Variants in ERCC3 observed in about 807,000 individuals in gnomAD.
ERCC3 encodes ERCC excision repair 3, TFIIH core complex helicase subunit.
Under a neutral mutation model 94.2 loss-of-function variants are expected in ERCC3, and 66 were observed. The observed-to-expected ratio is 0.70, with a 90% CI of 0.57 to 0.86. ERCC3 has a LOEUF of 0.86. Among genes scored for constraint, ERCC3 ranks in the 40% least tolerant of loss-of-function variants. The pLI is 0.00. For synonymous variants in ERCC3, 349 were observed against 369.1 expected (o/e 0.95, Z 0.63); for missense variants, 829 against 987.1 (o/e 0.84, Z 2.15).
chr2:127,289,605 G>A (rs958631609), intron 5 of ERCC3, 84 bp downstream of exon 5: 7 of 1,603,290 alleles, frequency 4.4e-6, no homozygotes, highest in Non-Finnish European at 6.0e-6. Context: ...CTGCTAGGTT[G>A]TAAGTGCTGG....
rs765968359 is a variant in ERCC3, at chr2:127,280,499, T to C, written c.1475A>G (p.Asn492Ser). 5.6e-6 allele frequency: 9 copies of C among 1,613,882 alleles called. No homozygotes were observed. The Admixed American group carries it at 1.3e-4, about 24-fold the overall frequency. ...FLIGPKLYEANWMELQNNGYI... is the reference protein window; with the variant it reads ...FLIGPKLYEASWMELQNNGYI... ...GCCATTATTCTGCAGCTCCATCCAGTTGGCTTCGTAGAGCTTAGGCCCAAT... is the reference window on the plus strand; with the variant it reads ...GCCATTATTCTGCAGCTCCATCCAGCTGGCTTCGTAGAGCTTAGGCCCAAT... Residue 492 changes from asparagine (N) to serine (S), a missense_variant, in exon 9 of 15, where the codon AAC (asparagine) becomes AGC (serine). Physicochemically the swap from Asn to Ser is conservative, Grantham distance 46. Transcript: ENST00000285398. The surrounding 1 kb of genome is among the most constrained non-coding windows in gnomAD (Gnocchi z 6.3).
intron 8 of ERCC3, among the ~76,000 whole-genome samples, chr2:127,285,763 A>G (rs1369949111): frequency 6.6e-6 from 1 of 152,030 alleles, no homozygotes; most frequent in Middle Eastern, 3.2e-3. Flanking sequence ...AGGCAGGGGA[A>G]TCAGTTGAAC....
At chr2:127,265,807 T>C (rs181780593) in intron 12 of ERCC3, among the ~76,000 whole-genome samples, 288 of 152,374 alleles carry the variant, frequency 1.9e-3, no homozygotes, top group Non-Finnish European at 3.7e-3. Context: ...GCTCTGATTT[T>C]AGTTATTTCT....
Position 127,259,895 on chromosome 2 carries a change from G to A in ERCC3, c.2065-447C>T, listed in dbSNP as rs985702918. On this transcript the variant is annotated intron_variant, in intron 13 of 14. Transcript: ENST00000285398. This position sits in a 1 kb window ranked among gnomAD's most constrained non-coding sequence, Gnocchi z 4.9. ...TGGGGCTTCCAGCAGGAATGAGCAC[G>A]TGAAAATGAAAATGATAGGATATCA... The A allele has an allele frequency of 4.0e-6, 1 of 252,802 alleles. No individual in the cohort carries two copies. The highest frequency in any genetic ancestry group is 7.8e-6 in the Non-Finnish European group (1 of 128,362). 15.7% of individuals were successfully genotyped at this position (252,802 alleles called of 1,614,324 possible).
chr2:127,282,465 A>T (rs915053191), intron 8 of ERCC3, among the ~76,000 whole-genome samples: 1 of 152,248 alleles, frequency 6.6e-6, no homozygotes, highest in African/African-American at 2.4e-5. Flanking sequence ...CACAGGAAGC[A>T]CTTAATATAC....
chr2:127,292,226 C>A, intron 3 of ERCC3: 1 of 351,106 alleles, frequency 2.8e-6, no homozygotes, highest in South Asian at 2.5e-5. Context: ...GTTTTGAAGA[C>A]AAAATTTGAG....
chr2:127,291,250 C>T lies in ERCC3; in HGVS notation c.472-977G>A, dbSNP rs959881886. ...TGGTACAAGGTCCTCTCCTTGGGCACGCTTTCTTTTTTGTTGTTGTTCTGA... is the reference window on the plus strand; with the variant it reads ...TGGTACAAGGTCCTCTCCTTGGGCATGCTTTCTTTTTTGTTGTTGTTCTGA... On this transcript the variant is annotated intron_variant, in intron 3 of 14. Coordinates refer to ENST00000285398, the MANE Select transcript of ERCC3 (RefSeq NM_000122.2). The surrounding 1 kb of genome is among the most constrained non-coding windows in gnomAD (Gnocchi z 4.9). Among the ~76,000 whole-genome samples, 7 of 152,018 alleles carry T rather than the reference C, an allele frequency of 4.6e-5. No individual in the cohort carries two copies. Among genetic ancestry groups the T allele is most frequent in the Non-Finnish European group, 8.8e-5 (6 of 68,000 alleles).
rs1272649511 is a variant in ERCC3 at position 127,272,912 on chromosome 2, G to A, written c.1780C>T (p.Gln594Ter). ...TSQGERMQIL[Q>*]NFKHNPKINT... The stretch of plus-strand genomic sequence containing the variant: ...ATTTTGGGGTTGTGCTTGAAATTCT[G>A]GAGAATTTGCATCCTTTCCCCCTGA... The change falls in exon 11 of 15, where the codon CAG (glutamine) becomes TAG (stop). Residue 594 changes from glutamine to a stop codon, truncating the protein, a stop_gained. Transcript: ENST00000285398. LOFTEE classifies it high-confidence loss of function. 1.2e-6 allele frequency: 2 copies of A among 1,613,634 alleles called. No homozygotes were observed. The highest frequency in any genetic ancestry group is 8.5e-7 in the Non-Finnish European group (1 of 1,179,674).
chr2:127,293,753 G>A (rs1011796089), intron 1 of ERCC3, 35 bp from the exon 2 acceptor site: 2 of 1,606,054 alleles, frequency 1.2e-6, no homozygotes, highest in Non-Finnish European at 1.7e-6. Context: ...AGCCCAGCAG[G>A]AGCCTTCAGG....
chr2:127,259,328 C>T lies in ERCC3; in HGVS notation c.2185G>A (p.Val729Met), dbSNP rs763891077. 1.2e-6 allele frequency: 2 copies of T among 1,614,216 alleles called. No individual in the cohort carries two copies. The highest frequency in any genetic ancestry group is 2.2e-5 in the South Asian group (2 of 91,084). The part of the protein sequence containing the change: ...ATDLDAEEEV[V>M]AGEFGSRSSQ... ...GATCTGGAGCCAAATTCCCCAGCCA[C>T]CACCTCCTCCTCGGCATCCAGGTCA... The change falls in exon 14 of 15, where the codon GTG (valine) becomes ATG (methionine). Residue 729 changes from valine to methionine, a missense_variant. By Grantham distance (21) the Val-to-Met change is conservative (BLOSUM62 1). Transcript: ENST00000285398. This position sits in a 1 kb window ranked among gnomAD's most constrained non-coding sequence, Gnocchi z 4.9.
intron 12 of ERCC3, among the ~76,000 whole-genome samples, chr2:127,268,392 G>A (rs999504365): frequency 1.3e-5 from 2 of 152,062 alleles, no homozygotes; most frequent in African/African-American, 4.8e-5. Flanking sequence ...CGGAGTGGCT[G>A]GGACTACAGG....
chr2:127,293,065 T>C (rs921385172), intron 2 of ERCC3, among the ~76,000 whole-genome samples: 1 of 152,242 alleles, frequency 6.6e-6, no homozygotes, highest in African/African-American at 2.4e-5. Context: ...AGCTGTTTCC[T>C]ACTATTCTGC....
intron 6 of ERCC3, 34 bp downstream of exon 6, chr2:127,289,303 G>A (rs1310589777): frequency 6.2e-7 from 1 of 1,604,128 alleles, no homozygotes; most frequent in African/African-American, 1.3e-5. Context: ...CAGCAGCTCA[G>A]TGAAGGAACC....
In ERCC3 at chr2:127,274,873, T is replaced by G. The variant is rs1684685088; in HGVS notation, c.1731-1912A>C. On this transcript the variant is annotated intron_variant, in intron 10 of 14. Transcript: ENST00000285398. This position sits in a 1 kb window ranked among gnomAD's most constrained non-coding sequence, Gnocchi z 4.0. ...TCCAAGTGGAGAATGTCACATTTAC[T>G]AAATACTTACAAGCTGCCAGGCACA... Among the ~76,000 whole-genome samples, 1 of 152,074 alleles carries G rather than the reference T, an allele frequency of 6.6e-6. No individual in the cohort carries two copies. The highest frequency in any genetic ancestry group is 1.5e-5 in the Non-Finnish European group (1 of 68,002).
At chr2:127,275,511 G>A (rs897775659) in intron 10 of ERCC3, among the ~76,000 whole-genome samples, 1 of 152,190 alleles carries the variant, frequency 6.6e-6, no homozygotes, top group Admixed American at 6.5e-5. Context: ...GACAGTGCCA[G>A]GCAAATTAAC....
At chr2:127,270,327 CCGA>C (rs1684509326) in intron 12 of ERCC3, among the ~76,000 whole-genome samples, 1 of 152,160 alleles carries the variant, frequency 6.6e-6, no homozygotes, top group Non-Finnish European at 1.5e-5. Context: ...GCCCAGCCAG[CCGA>C]CTACATTTTA....
chr2:127,276,831 C>T (rs1356345352), intron 10 of ERCC3, among the ~76,000 whole-genome samples: 2 of 152,108 alleles, frequency 1.3e-5, no homozygotes, highest in African/African-American at 4.8e-5. Context: ...TACCAGTTTT[C>T]AAGGGAAGGA....
chr2:127,273,171 C>A (rs912004076), intron 10 of ERCC3, among the ~76,000 whole-genome samples: 1 of 152,206 alleles, frequency 6.6e-6, no homozygotes. Flanking sequence ...CCATTCTCTT[C>A]GGGATTCCCT....
intron 8 of ERCC3, among the ~76,000 whole-genome samples, chr2:127,281,901 T>C (rs1210850013): frequency 6.6e-6 from 1 of 152,042 alleles, no homozygotes; most frequent in Non-Finnish European, 1.5e-5. Flanking sequence ...GAAATGGTAG[T>C]CAAGGCAATG....
Sources: gnomAD v4.1 joint callset for allele counts (sites outside exome capture counted in the v4.1 genomes callset) on GRCh38, gnomAD v4.1.1 for gene constraint, Gnocchi (gnomAD v3.1) non-coding constraint, MANE v1.5 for transcripts, NCBI Gene and HGNC (gene_info 2026-07-23, HGNC 2026-07-21) for gene names.